Variants in GNG7 observed in about 807,000 individuals in gnomAD.
The protein encoded by GNG7 is G protein subunit gamma 7.
Under a neutral mutation model 4.0 loss-of-function variants are expected in GNG7, and 1 was observed. That is an observed-to-expected ratio of 0.25 (90% confidence interval 0.09 to 1.18). GNG7 has a LOEUF of 1.18. GNG7 is among the 50% of genes most tolerant of loss of function. GNG7 has a pLI of 0.50. For synonymous variants in GNG7, 34 were observed against 36.9 expected (o/e 0.92, Z 0.29); for missense variants, 86 against 91.9 (o/e 0.94, Z 0.26).
chr19:2,518,851 A>G (rs35616977), intron 4 of GNG7, among the ~76,000 whole-genome samples: 37,814 of 151,798 alleles, frequency 0.25, 4,775 homozygotes, highest in Middle Eastern at 0.28. Context: ...GTTGGAGGGC[A>G]GTGGCGCAAT....
At chr19:2,685,079 G>C (rs185553482) in intron 1 of GNG7, among the ~76,000 whole-genome samples, 1 of 151,678 alleles carries the variant, frequency 6.6e-6, no homozygotes, top group Non-Finnish European at 1.5e-5. Flanking sequence ...AGCCAAGATC[G>C]CACGACTGCA....
rs184756165 is a variant in GNG7, at chr19:2,525,872, C to T, written c.-37-5147G>A. On this transcript the variant is annotated intron_variant, in intron 3 of 4. Transcript: ENST00000382159. ...TCGCCCAGGCTGAAGTGCGGTGGCGCGATCTCAGCTCACTGCAACCTCCGC... is the reference window on the plus strand; with the variant it reads ...TCGCCCAGGCTGAAGTGCGGTGGCGTGATCTCAGCTCACTGCAACCTCCGC... 2.0e-5 allele frequency among the ~76,000 whole-genome samples: 3 copies of T among 151,830 alleles called. No homozygotes were observed. The East Asian group carries it at 5.8e-4, about 29-fold the overall frequency.
At chr19:2,689,622 CAAAAAAAAAA>C (rs58020172) in intron 1 of GNG7, among the ~76,000 whole-genome samples, 13 of 37,954 alleles carry the variant, frequency 3.4e-4, no homozygotes, top group Non-Finnish European at 4.6e-4. Context: ...GACTCCAACT[CAAAAAAAAAA>C]AAAAAAAAAA....
At chr19:2,605,748 G>A (rs191061585) in intron 2 of GNG7, among the ~76,000 whole-genome samples, 16 of 151,482 alleles carry the variant, frequency 1.1e-4, no homozygotes, top group South Asian at 2.1e-4. Flanking sequence ...TCCTGACCTC[G>A]TGATCTGCCC....
intron 2 of GNG7, among the ~76,000 whole-genome samples, chr19:2,568,509 G>T (rs1353000225): frequency 1.4e-5 from 2 of 147,186 alleles, no homozygotes; most frequent in Non-Finnish European, 3.0e-5. Flanking sequence ...CAGGGTCTCT[G>T]TGTGTGCACA....
Position 2,514,858 on chromosome 19 carries a change from T to G in GNG7, c.*164A>C. ...CCCATCCGGGCGGTGGGAACGCCTT[T>G]TTTGGCGGGGAGAGGGGGGATTTCT... On this transcript the variant is annotated 3_prime_UTR_variant, in exon 5 of 5. Transcript: ENST00000382159. 2 of 609,924 alleles carry G rather than the reference T, an allele frequency of 3.3e-6. No individual in the cohort carries two copies. The highest frequency in any genetic ancestry group is 2.8e-6 in the Non-Finnish European group (1 of 355,568). 37.8% of individuals were successfully genotyped at this position (609,924 alleles called of 1,614,324 possible). A position where few individuals can be genotyped will look rare whatever the true frequency, so the allele number is the denominator to read the frequency against.
In GNG7 at chr19:2,513,150, C is replaced by T; in HGVS notation, c.*1872G>A. On this transcript the variant is annotated 3_prime_UTR_variant, in exon 5 of 5. Transcript: ENST00000382159. ...CGACACCTGCACACACACCCGGAGC[C>T]CTCTAGCCTTGGCGAGGTGGGAACC... The T allele has an allele frequency of 1.0e-6, 1 of 984,788 alleles. No individual in the cohort carries two copies. The highest frequency in any genetic ancestry group is 1.2e-6 in the Non-Finnish European group (1 of 829,320). The allele number at this position is 984,788 out of a possible 1,614,324, so 61.0% of individuals were successfully genotyped here.
intron 3 of GNG7, among the ~76,000 whole-genome samples, chr19:2,551,324 C>T (rs370944230): frequency 6.6e-5 from 10 of 152,118 alleles, no homozygotes; most frequent in African/African-American, 2.4e-4. Flanking sequence ...AGACCAGACA[C>T]CACGGGCACA....
chr19:2,553,808 T>TATGTA (rs372453612), intron 3 of GNG7, among the ~76,000 whole-genome samples: 4 of 6,358 alleles, frequency 6.3e-4, no homozygotes, highest in Non-Finnish European at 1.1e-3. Context: ...TCATGTGTAA[T>TATGTA]ATATCACATA....
At position 2,614,629 on chromosome 19, in the gene GNG7, G is replaced by A. The variant is rs1485598371; in HGVS notation, c.-78+31595C>T. On this transcript the variant is annotated intron_variant, in intron 2 of 4. Transcript: ENST00000382159. The surrounding 1 kb of genome is among the most constrained non-coding windows in gnomAD (Gnocchi z 6.0). The stretch of plus-strand genomic sequence containing the variant: ...TGCACGTGGCCTGGGTCAGAGTCTC[G>A]TTCACGGCTGAGTCTCGTTCCAGTG... Among the ~76,000 whole-genome samples, 8 of 152,186 alleles carry A rather than the reference G, an allele frequency of 5.3e-5. No homozygotes were observed. Among genetic ancestry groups the A allele is most frequent in the South Asian group, 2.1e-4 (1 of 4,836 alleles).
intron 3 of GNG7, chr19:2,538,332 T>C: frequency 4.4e-6 from 2 of 454,060 alleles, no homozygotes; most frequent in Non-Finnish European, 8.9e-6. Context: ...AAAGCATGCG[T>C]CAGGCCATCA....
Position 2,680,763 on chromosome 19 carries a change from G to A in GNG7, c.-135+21883C>T, listed in dbSNP as rs996709691. On this transcript the variant is annotated intron_variant, in intron 1 of 4. Transcript: ENST00000382159. ...GCTAATTTTGTATTTTAGTAGAGGC[G>A]GGGTTTCTCCATGTTGGTCAGGCTG... 6.6e-4 allele frequency among the ~76,000 whole-genome samples: 100 copies of A among 151,826 alleles called. 2 individuals are homozygous for A. The highest frequency in any genetic ancestry group is 2.3e-3 in the African/African-American group (94 of 41,392).
chr19:2,564,359 T>C (rs1979837578), intron 2 of GNG7, among the ~76,000 whole-genome samples: 1 of 151,818 alleles, frequency 6.6e-6, no homozygotes, highest in African/African-American at 2.4e-5. Flanking sequence ...GGCGGGAGGA[T>C]CGCTTGAGGC....
chr19:2,596,478 G>A (rs1981024228), intron 2 of GNG7, among the ~76,000 whole-genome samples: 1 of 151,932 alleles, frequency 6.6e-6, no homozygotes, highest in South Asian at 2.1e-4. Flanking sequence ...ACCAGCCTGG[G>A]TAACATAGTG....
intron 2 of GNG7, among the ~76,000 whole-genome samples, chr19:2,622,580 C>A (rs1311315317): frequency 1.4e-5 from 2 of 142,910 alleles, no homozygotes; most frequent in African/African-American, 5.4e-5. Context: ...GCGAGCAACG[C>A]GGCAGAGAGG....
At chr19:2,681,313 A>G (rs368942365) in intron 1 of GNG7, among the ~76,000 whole-genome samples, 11 of 152,146 alleles carry the variant, frequency 7.2e-5, no homozygotes, top group African/African-American at 2.6e-4. Context: ...CCTCCCGAGT[A>G]GCTGGGACTA....
intron 1 of GNG7, chr19:2,700,747 A>T (rs1913380999): frequency 6.6e-6 from 1 of 152,208 alleles, no homozygotes; most frequent in South Asian, 2.1e-4. Flanking sequence ...CACCTCCAAA[A>T]GATGATACAG....
chr19:2,535,273 G>A (rs1489242979), intron 3 of GNG7, among the ~76,000 whole-genome samples: 2 of 149,154 alleles, frequency 1.3e-5, no homozygotes, highest in Non-Finnish European at 3.0e-5. Context: ...AGGATCACTT[G>A]AGCCCAAGAG....
At chr19:2,673,603 G>C (rs928696942) in intron 1 of GNG7, among the ~76,000 whole-genome samples, 1 of 151,074 alleles carries the variant, frequency 6.6e-6, no homozygotes, top group African/African-American at 2.4e-5. Flanking sequence ...TGAGGCAGGA[G>C]GATCATTTGA....
Sources: gnomAD v4.1 joint callset for allele counts (sites outside exome capture counted in the v4.1 genomes callset) on GRCh38, gnomAD v4.1.1 for gene constraint, Gnocchi (gnomAD v3.1) non-coding constraint, MANE v1.5 for transcripts, NCBI Gene and HGNC (gene_info 2026-07-23, HGNC 2026-07-21) for gene names.